Variants in F8 observed in about 807,000 individuals in gnomAD.
F8 encodes antihemophilic factor.
A neutral mutation model predicts 140.6 loss-of-function variants in F8; 12 were observed. The ratio of observed to expected loss-of-function variants is 0.09; its 90% CI spans 0.05 to 0.14. The LOEUF (loss-of-function observed/expected upper bound fraction) is 0.14, where lower values mean the gene tolerates loss of function less well. Ranked by LOEUF, F8 falls within the 10% of genes least tolerant of loss-of-function variation. F8 has a pLI of 1.00. For missense variants in F8, 1,354 were observed against 1,720.7 expected, an observed-to-expected ratio of 0.79 and a Z score of 3.77; for synonymous variants, 585 against 614.6, an observed-to-expected ratio of 0.95 and a Z score of 0.71.
At chrX:154,849,461 C>T (rs377271903) in intron 25 of F8, among the ~76,000 whole-genome samples, 1 of 86,615 alleles carries the variant, frequency 1.2e-5, no homozygotes, top group Non-Finnish European at 2.2e-5. Flanking sequence ...TTTACTTTTG[C>T]TTTTTTTTTT....
chrX:154,863,360 T>C (rs781968185), intron 22 of F8, 133 bp from the exon 23 acceptor site: 1 of 570,513 alleles, frequency 1.8e-6, no homozygotes, highest in Admixed American at 2.5e-5. Flanking sequence ...AAGACAACTA[T>C]GGTTAGATGG....
chrX:154,919,117 T>G (rs1369308855), intron 14 of F8: 2 of 111,586 alleles, frequency 1.8e-5, no homozygotes, highest in Non-Finnish European at 3.8e-5. Flanking sequence ...TGGCTTAGAT[T>G]TAGCAGTGAT....
chrX:154,904,659 T>C, intron 16 of F8, 135 bp from the exon 17 acceptor site: 1 of 749,314 alleles, frequency 1.3e-6, no homozygotes, highest in African/African-American at 2.1e-5. Flanking sequence ...CTTCAGTAGA[T>C]TCCAGAATGA....
intron 14 of F8, among the ~76,000 whole-genome samples, chrX:154,917,618 T>A (rs2073104658): frequency 8.9e-6 from 1 of 112,090 alleles, no homozygotes; most frequent in East Asian, 2.8e-4. Context: ...TGTTCTTCAT[T>A]CCTTTTAATT....
intron 25 of F8, among the ~76,000 whole-genome samples, chrX:154,839,363 ATTTT>A (rs782394922): frequency 1.0e-5 from 1 of 95,381 alleles, no homozygotes; most frequent in Non-Finnish European, 2.1e-5. Flanking sequence ...TTCTGCCTCA[ATTTT>A]TTTTTTTTTT....
chrX:154,941,160 T>A (rs1437759031), intron 13 of F8, among the ~76,000 whole-genome samples: 2 of 111,555 alleles, frequency 1.8e-5, no homozygotes, highest in Non-Finnish European at 3.8e-5. Flanking sequence ...AATTCACACA[T>A]AACAATATTA....
intron 24 of F8, among the ~76,000 whole-genome samples, chrX:154,860,946 C>T (rs1350345643): frequency 8.9e-6 from 1 of 112,146 alleles, no homozygotes; most frequent in Non-Finnish European, 1.9e-5. Flanking sequence ...GATCTGCCAC[C>T]TAGGCCTCCC....
At chrX:154,968,774 T>C (rs2073438690) in intron 7 of F8, among the ~76,000 whole-genome samples, 1 of 111,185 alleles carries the variant, frequency 9.0e-6, no homozygotes, top group Non-Finnish European at 1.9e-5. Context: ...GTGTCTCTCA[T>C]CTACTGCCAG....
rs2073029829 is a variant in F8 at position 154,904,883 on chromosome X, C to T, written c.5514G>A (p.Val1838=). The change falls in exon 16 of 26, where the codon GTG becomes GTA. Residue 1838 remains valine (V), a synonymous_variant. Transcript: ENST00000360256. ...PNETKTYFWK[V]QHHMAPTKDE... ...CTTTAGTGGGTGCCATATGATGTTG[C>T]ACTTTCCAAAAGTAAGTTTTGGTTT... 2.5e-6 allele frequency: 3 copies of T among 1,211,006 alleles called. No homozygotes were observed. Among genetic ancestry groups the T allele is most frequent in the Non-Finnish European group, 3.4e-6 (3 of 895,155 alleles).
intron 3 of F8, among the ~76,000 whole-genome samples, chrX:154,993,545 C>A (rs1310892001): frequency 8.9e-6 from 1 of 111,939 alleles, no homozygotes; most frequent in East Asian, 2.8e-4. Context: ...AACCACCACA[C>A]CCGGCCTACT....
intron 10 of F8, among the ~76,000 whole-genome samples, chrX:154,960,592 T>TGAGA (rs782609475): frequency 1.8e-3 from 180 of 99,857 alleles, no homozygotes; most frequent in Non-Finnish European, 2.8e-3. Context: ...GAAACCCTGT[T>TGAGA]GAGAGAGAGA....
chrX:154,844,507 A>G (rs2072547809), intron 25 of F8, among the ~76,000 whole-genome samples: 1 of 110,497 alleles, frequency 9.1e-6, no homozygotes, highest in Non-Finnish European at 1.9e-5. Flanking sequence ...GGTCCTTCAT[A>G]TCCCTTGTAA....
At chrX:154,908,567 A>G (rs1420246362) in intron 14 of F8, among the ~76,000 whole-genome samples, 9 of 112,466 alleles carry the variant, frequency 8.0e-5, no homozygotes, top group African/African-American at 2.6e-4. Context: ...ATGTTTTCCA[A>G]TTCATGTACG....
At chrX:154,919,960 TAC>T (rs1332121308) in intron 14 of F8, 1 of 180,125 alleles carries the variant, frequency 5.6e-6, no homozygotes, top group Non-Finnish European at 1.2e-5. Context: ...CCTAAACTCA[TAC>T]AAGTCTGCAA....
In F8 at chrX:154,836,445, ACTGG is replaced by A. The variant is rs1557270925; in HGVS notation, c.*1148_*1151del. The A allele has an allele frequency of 1.8e-5, 2 of 111,169 alleles. No homozygotes were observed. The highest frequency in any genetic ancestry group is 3.8e-5 in the Non-Finnish European group (2 of 53,045). The allele number at this position is 111,169 out of a possible 1,213,427, so 9.2% of individuals were successfully genotyped here. On this transcript the variant is annotated 3_prime_UTR_variant, in exon 26 of 26. Coordinates refer to ENST00000360256, the MANE Select transcript of F8 (RefSeq NM_000132.4). Reference sequence around the variant, plus strand: ...ATCCTATTGTGTGGTGATATGGCAGACTGGAGTGTTTTTTCTGTTTTCACCAGTC... The same window carrying A: ...ATCCTATTGTGTGGTGATATGGCAGAAGTGTTTTTTCTGTTTTCACCAGTC...
intron 14 of F8, among the ~76,000 whole-genome samples, chrX:154,923,956 G>A (rs2073146291): frequency 9.0e-6 from 1 of 111,427 alleles, no homozygotes; most frequent in Admixed American, 9.5e-5. Context: ...GCGTGACAGA[G>A]CAAGACTCTG....
chrX:154,970,812 T>C (rs1483226458), intron 6 of F8, among the ~76,000 whole-genome samples: 1 of 111,687 alleles, frequency 9.0e-6, no homozygotes, highest in Non-Finnish European at 1.9e-5. Context: ...TAGGCTTACA[T>C]AGAATTATGT....
intron 14 of F8, among the ~76,000 whole-genome samples, chrX:154,921,679 C>A (rs1375685121): frequency 1.8e-5 from 2 of 111,725 alleles, no homozygotes; most frequent in African/African-American, 6.5e-5. Context: ...CACATATACA[C>A]CATGGAATAC....
chrX:154,965,966 T>C lies in F8; in HGVS notation c.1443+4A>G, dbSNP rs782141021. On this transcript the variant is annotated splice_donor_region_variant and intron_variant, in intron 9 of 25. Transcript: ENST00000360256. ...CCTGACCTTAAATCTTTTCTTCAAC[T>C]TACCAACAGTGTGTCTCCAACTTCC... 7 of 1,209,191 alleles carry C rather than the reference T, an allele frequency of 5.8e-6. No homozygotes were observed. The highest frequency in any genetic ancestry group is 7.8e-6 in the Non-Finnish European group (7 of 894,439).
Sources: allele counts gnomAD v4.1 joint callset (sites outside exome capture counted in the v4.1 genomes callset), GRCh38; gene constraint gnomAD v4.1.1; transcripts MANE v1.5; gene names NCBI Gene and HGNC (gene_info 2026-07-23, HGNC 2026-07-21).